The following GPNMB variants were observed in gnomAD, a reference collection of about 807,000 sequenced individuals.
The protein encoded by GPNMB is transmembrane glycoprotein NMB.
In GPNMB, 71 loss-of-function variants were observed where a neutral mutation model predicts 57.3. That is an observed-to-expected ratio of 1.24 (90% confidence interval 1.02 to 1.51). The LOEUF (loss-of-function observed/expected upper bound fraction) is 1.51, where lower values mean the gene tolerates loss of function less well. Among genes scored for constraint, GPNMB ranks in the 40% most tolerant of loss-of-function variants. The probability of loss-of-function intolerance (pLI) is 0.00; values close to 1 mark genes in which losing one functional copy is unlikely to be tolerated. For synonymous variants in GPNMB, 253 were observed against 263.2 expected, an observed-to-expected ratio of 0.96 and a Z score of 0.38; for missense variants, 677 against 691.9, an observed-to-expected ratio of 0.98 and a Z score of 0.24.
rs202045461 is a variant in GPNMB, at chr7:23,260,108, G to A, written c.670G>A (p.Ala224Thr). ...ACATGGACGGGCATATGTTCCCATC[G>A]CACAAGTGAAAGATGTGTACGTGGT... ...RRHGRAYVPI[A>T]QVKDVYVVTD... is the part of the protein sequence containing the mutation. Residue 224 changes from alanine (A) to threonine (T), a missense_variant, in exon 5 of 11, where the codon GCA becomes ACA. By Grantham distance (58) the Ala-to-Thr change is moderately conservative. Coordinates refer to ENST00000258733, the MANE Select transcript of GPNMB (RefSeq NM_002510.3). 204 of 1,613,920 alleles carry A rather than the reference G, an allele frequency of 1.3e-4. No homozygotes were observed. The highest frequency in any genetic ancestry group is 1.1e-4 in the African/African-American group (8 of 75,028).
chr7:23,247,132 A>C, intron 1 of GPNMB: 1 of 581,700 alleles, frequency 1.7e-6, no homozygotes, highest in Non-Finnish European at 3.1e-6. Flanking sequence ...CTTTCGGCTC[A>C]TGGAAAGTAA....
At chr7:23,259,514 G>A (rs1782861915) in intron 4 of GPNMB, among the ~76,000 whole-genome samples, 1 of 152,104 alleles carries the variant, frequency 6.6e-6, no homozygotes. Context: ...AATACTATTA[G>A]GAGATGGAGG....
chr7:23,249,502 T>C (rs79269807), intron 1 of GPNMB, among the ~76,000 whole-genome samples: 5,104 of 152,304 alleles, frequency 0.034, 243 homozygotes, highest in East Asian at 0.12. Flanking sequence ...CTGGTTTCCA[T>C]TTTTATCATT....
chr7:23,253,476 A>C lies in GPNMB; in HGVS notation c.223+17A>C, dbSNP rs1323477358. The C allele has an allele frequency of 6.2e-7, 1 of 1,608,428 alleles. No individual in the cohort carries two copies. The highest frequency in any genetic ancestry group is 1.1e-5 in the South Asian group (1 of 90,736). On this transcript the variant is annotated intron_variant, in intron 2 of 10. Coordinates refer to ENST00000258733, the MANE Select transcript of GPNMB (RefSeq NM_002510.3). The stretch of plus-strand genomic sequence containing the variant: ...CCTGGAAGGGTAAGTCAAAAGATTC[A>C]AACCAAACACCTGCAATTTCCTACT...
Position 23,254,278 on chromosome 7 carries a change from T to C in GPNMB, c.333T>C (p.Asn111=), listed in dbSNP as rs370724348. 9.9e-6 allele frequency: 16 copies of C among 1,613,474 alleles called. No homozygotes were observed. Among genetic ancestry groups the C allele is most frequent in the Middle Eastern group, 1.6e-4 (1 of 6,084 alleles). The change falls in exon 3 of 11, where the codon AAT becomes AAC. Residue 111 remains asparagine (N), a synonymous_variant. Transcript: ENST00000258733. ...IFPRCQKEDA[N]GNIVYEKNCR... ...CTAGATGCCAAAAGGAAGATGCCAA[T>C]GGCAACATAGTCTATGAGAAGAACT...
chr7:23,274,295 CT>C lies in GPNMB; in HGVS notation c.*78del. On this transcript the variant is annotated 3_prime_UTR_variant, in exon 11 of 11. Coordinates refer to ENST00000258733, the MANE Select transcript of GPNMB (RefSeq NM_002510.3). ...GAGATGTGCTGGAGTGGCTATTAAC[CT>C]TTTTTTCCTAAAGATTATTGTTAAA... 42 of 1,121,104 alleles carry C rather than the reference CT, an allele frequency of 3.7e-5. No homozygotes were observed. The highest frequency in any genetic ancestry group is 8.4e-5 in the South Asian group (6 of 71,438). The allele number at this position is 1,121,104 out of a possible 1,614,324, so 69.4% of individuals were successfully genotyped here. A position where few individuals can be genotyped will look rare whatever the true frequency, so the allele number is the denominator to read the frequency against.
intron 9 of GPNMB, among the ~76,000 whole-genome samples, chr7:23,272,553 T>C (rs191433050): frequency 1.2e-4 from 19 of 152,208 alleles, no homozygotes; most frequent in African/African-American, 4.1e-4. Flanking sequence ...AGGTTTTAAT[T>C]CAGTGGGGAT....
chr7:23,261,602 C>T (rs928406744), intron 6 of GPNMB, among the ~76,000 whole-genome samples: 24 of 151,788 alleles, frequency 1.6e-4, no homozygotes, highest in Non-Finnish European at 2.2e-4. Context: ...GGACACAGGG[C>T]GGGGAACATC....
intron 8 of GPNMB, 53 bp downstream of exon 8, chr7:23,268,041 G>T: frequency 9.2e-7 from 1 of 1,092,058 alleles, no homozygotes; most frequent in East Asian, 2.4e-5. Context: ...AGGACCTCAA[G>T]TCTGAACAAA....
intron 9 of GPNMB, among the ~76,000 whole-genome samples, chr7:23,271,424 T>G (rs995753876): frequency 6.6e-6 from 1 of 152,248 alleles, no homozygotes; most frequent in African/African-American, 2.4e-5. Context: ...TCCTTTGAAC[T>G]TGAAGCCTAT....
intron 4 of GPNMB, among the ~76,000 whole-genome samples, chr7:23,258,738 C>T (rs918652785): frequency 6.6e-6 from 1 of 152,232 alleles, no homozygotes; most frequent in African/African-American, 2.4e-5. Flanking sequence ...TCACGAATAA[C>T]CCCTGAGAGA....
rs138289381 is a variant in GPNMB, at chr7:23,274,381, G to A, written c.*157G>A. The A allele has an allele frequency of 1.7e-4, 102 of 595,718 alleles. No homozygotes were observed. The African/African-American group carries it at 1.7e-3, about 10-fold the overall frequency. The allele number at this position is 595,718 out of a possible 1,614,324, so 36.9% of individuals were successfully genotyped here. Reference sequence around the variant, plus strand: ...TAGGTTAAATGTCATTTTAGAGATGGGGAGAGGGATTATACTGCAGGCAGC... The same window carrying A: ...TAGGTTAAATGTCATTTTAGAGATGAGGAGAGGGATTATACTGCAGGCAGC... On this transcript the variant is annotated 3_prime_UTR_variant, in exon 11 of 11. Transcript: ENST00000258733.
chr7:23,272,846 C>CTTTTTTTTTTTTTTTTTTTT (rs34346503), intron 9 of GPNMB, among the ~76,000 whole-genome samples: 2 of 139,634 alleles, frequency 1.4e-5, no homozygotes, highest in African/African-American at 5.5e-5. Context: ...AGGTGGTGAT[C>CTTTTTTTTTTTTTTTTTTTT]TTTTTTTTTT....
intron 7 of GPNMB, among the ~76,000 whole-genome samples, chr7:23,267,271 A>G (rs1395773096): frequency 6.6e-6 from 1 of 152,260 alleles, no homozygotes; most frequent in Non-Finnish European, 1.5e-5. Context: ...CAAAGGCTCT[A>G]GGAACAAAAA....
intron 4 of GPNMB, 24 bp from the exon 5 acceptor site, chr7:23,259,955 AC>A (rs755995345): frequency 4.3e-6 from 7 of 1,611,402 alleles, no homozygotes; most frequent in Non-Finnish European, 5.9e-6. Flanking sequence ...GCAGCCAATA[AC>A]TAAAAATTTC....
chr7:23,269,649 T>C (rs1302275981), intron 8 of GPNMB, among the ~76,000 whole-genome samples: 2 of 152,120 alleles, frequency 1.3e-5, no homozygotes, highest in Non-Finnish European at 2.9e-5. Context: ...ATTCTAGGGA[T>C]GTAGAAGGAA....
chr7:23,268,096 A>G (rs1583835281), intron 8 of GPNMB, 108 bp downstream of exon 8: 1 of 700,094 alleles, frequency 1.4e-6, no homozygotes, highest in Non-Finnish European at 2.5e-6. Flanking sequence ...TTGAATTCCT[A>G]TTGATTTGAA....
intron 7 of GPNMB, 82 bp downstream of exon 7, chr7:23,266,697 G>T: frequency 3.9e-6 from 5 of 1,266,900 alleles, no homozygotes; most frequent in Admixed American, 2.2e-5. Context: ...ACTCTGAAGG[G>T]GTAGAGGTAG....
intron 3 of GPNMB, among the ~76,000 whole-genome samples, chr7:23,256,137 C>T (rs1782772429): frequency 6.6e-6 from 1 of 152,126 alleles, no homozygotes; most frequent in African/African-American, 2.4e-5. Context: ...AACTCCTGAC[C>T]TCAAGCGATC....
Sources: gnomAD v4.1 joint callset for allele counts (sites outside exome capture counted in the v4.1 genomes callset) on GRCh38, gnomAD v4.1.1 for gene constraint, MANE v1.5 for transcripts, NCBI Gene and HGNC (gene_info 2026-07-23, HGNC 2026-07-21) for gene names.